Variants in NINJ2 observed in about 807,000 individuals in gnomAD.
NINJ2 encodes the protein ninjurin 2.
Under a neutral mutation model 11.7 loss-of-function variants are expected in NINJ2, and 12 were observed. The ratio of observed to expected loss-of-function variants is 1.02; its 90% CI spans 0.66 to 1.66. The LOEUF is 1.66. NINJ2 is among the 40% of genes most tolerant of loss of function. The pLI, the probability that NINJ2 is intolerant of heterozygous loss-of-function variation, is 0.00. For missense variants in NINJ2, 187 were observed against 181.8 expected (o/e 1.03, Z -0.16); for synonymous variants, 93 against 76.8 (o/e 1.21, Z -1.10).
At chr12:656,470 G>A (rs544172058) in intron 1 of NINJ2, among the ~76,000 whole-genome samples, 1 of 152,106 alleles carries the variant, frequency 6.6e-6, no homozygotes, top group South Asian at 2.1e-4. Context: ...CTGTAAAGCG[G>A]CCAGGCATGG....
At chr12:645,155 A>G (rs979517528) in intron 1 of NINJ2, 8 of 152,232 alleles carry the variant, frequency 5.3e-5, no homozygotes, top group African/African-American at 1.7e-4. Context: ...AGATCTGGGG[A>G]CAAGGGTTTT....
intron 1 of NINJ2, among the ~76,000 whole-genome samples, chr12:596,984 G>A (rs77231661): frequency 0.056 from 8,524 of 151,646 alleles, 330 homozygotes; most frequent in Non-Finnish European, 0.085. Flanking sequence ...ACATAAAAAA[G>A]TTAAGCTTCT....
Position 565,493 on chromosome 12 carries a change from G to A in NINJ2, c.263-92C>T, listed in dbSNP as rs1240929548. On this transcript the variant is annotated intron_variant, in intron 2 of 3. Transcript: ENST00000305108. ...CACCCACCAGAGTTTGGAGAGAGGG[G>A]CCCTTCAGAAACCCATGTGGCAGAA... 6 of 1,330,850 alleles carry A rather than the reference G, an allele frequency of 4.5e-6. No homozygotes were observed. The East Asian group carries it at 1.4e-4, about 31-fold the overall frequency. 82.4% of individuals were successfully genotyped at this position (1,330,850 alleles called of 1,614,324 possible).
intron 1 of NINJ2, among the ~76,000 whole-genome samples, chr12:661,209 G>A (rs1365634259): frequency 6.6e-6 from 1 of 152,154 alleles, no homozygotes; most frequent in Non-Finnish European, 1.5e-5. Flanking sequence ...CTCCCGAGTA[G>A]TGGGGACTAC....
intron 1 of NINJ2, among the ~76,000 whole-genome samples, chr12:569,478 A>C (rs955008953): frequency 6.6e-6 from 1 of 151,948 alleles, no homozygotes; most frequent in African/African-American, 2.4e-5. Flanking sequence ...TCTCTTCCCC[A>C]TCCTCCAGTT....
rs568837498 is a variant in NINJ2, at chr12:569,146, G to T, written c.34-2968C>A. On this transcript the variant is annotated intron_variant, in intron 1 of 3. Coordinates refer to ENST00000305108, the MANE Select transcript of NINJ2 (RefSeq NM_016533.6). ...AGGGATGGAGGGTAAATGAGGACCT[G>T]CATGGACTTGGGAGGCCACACACGG... Among the ~76,000 whole-genome samples the T allele has an allele frequency of 5.9e-5, 9 of 152,350 alleles. 1 individual carries two copies. The East Asian group carries it at 1.7e-3, about 29-fold the overall frequency.
intron 1 of NINJ2, among the ~76,000 whole-genome samples, chr12:626,294 T>C (rs765928114): frequency 2.0e-4 from 31 of 152,238 alleles, no homozygotes; most frequent in Non-Finnish European, 4.1e-4. Flanking sequence ...GCTGGCTACA[T>C]TCACGGGAAC....
chr12:648,321 G>T (rs750263702), intron 1 of NINJ2, among the ~76,000 whole-genome samples: 1 of 152,142 alleles, frequency 6.6e-6, no homozygotes, highest in African/African-American at 2.4e-5. Context: ...CAGATGATCC[G>T]CCTGCCTTGG....
In NINJ2 at chr12:585,586, G is replaced by A. The variant is rs866145396; in HGVS notation, c.34-19408C>T. On this transcript the variant is annotated intron_variant, in intron 1 of 3. Transcript: ENST00000305108. The surrounding 1 kb of genome is among the most constrained non-coding windows in gnomAD (Gnocchi z 4.1). The stretch of plus-strand genomic sequence containing the variant: ...GGGAAGGGAGGCTGAGCACAGGCAC[G>A]GTCACGCTGTGTTGCACCCTGGCCT... Among the ~76,000 whole-genome samples the A allele has an allele frequency of 2.6e-5, 4 of 152,238 alleles. No individual in the cohort carries two copies. Among genetic ancestry groups the A allele is most frequent in the Non-Finnish European group, 2.9e-5 (2 of 68,022 alleles).
At chr12:652,582 G>A (rs188548316) in intron 1 of NINJ2, among the ~76,000 whole-genome samples, 70 of 152,052 alleles carry the variant, frequency 4.6e-4, no homozygotes, top group African/African-American at 1.6e-3. Flanking sequence ...TAAAGAAAAG[G>A]GAACTATCAA....
chr12:633,810 G>GT lies in NINJ2; in HGVS notation c.33+29517dup, dbSNP rs755514524. 6.6e-6 allele frequency among the ~76,000 whole-genome samples: 1 copy of GT among 152,052 alleles called. No homozygotes were observed. Among genetic ancestry groups the GT allele is most frequent in the Non-Finnish European group, 1.5e-5 (1 of 68,006 alleles). ...ATCCTGGGTAACAGAGTGAGATTGT[G>GT]TAAAAAAAACAAACCACTTTAGAGT... On this transcript the variant is annotated intron_variant, in intron 1 of 3. Transcript: ENST00000305108. The surrounding 1 kb of genome is among the most constrained non-coding windows in gnomAD (Gnocchi z 4.3).
chr12:598,990 G>T (rs1196411666), intron 1 of NINJ2, among the ~76,000 whole-genome samples: 2 of 151,958 alleles, frequency 1.3e-5, no homozygotes. Context: ...GTGAGTCACT[G>T]CGCCCAGCCT....
chr12:601,319 G>C (rs1384562287), intron 1 of NINJ2, among the ~76,000 whole-genome samples: 5 of 151,982 alleles, frequency 3.3e-5, no homozygotes, highest in African/African-American at 9.7e-5. Context: ...GGCTGAGGCG[G>C]GCGGATCAGG....
At chr12:649,755 C>A (rs1937759550) in intron 1 of NINJ2, among the ~76,000 whole-genome samples, 1 of 151,340 alleles carries the variant, frequency 6.6e-6, no homozygotes. Context: ...TAGTATTAAC[C>A]TTTTGGTTTA....
chr12:649,089 C>T (rs1348925453), intron 1 of NINJ2, among the ~76,000 whole-genome samples: 1 of 151,700 alleles, frequency 6.6e-6, no homozygotes, highest in Non-Finnish European at 1.5e-5. Context: ...CTCTGTCGCC[C>T]AGGCTGGACT....
intron 1 of NINJ2, among the ~76,000 whole-genome samples, chr12:649,405 ATGT>A (rs1937750234): frequency 6.6e-6 from 1 of 152,002 alleles, no homozygotes; most frequent in South Asian, 2.1e-4. Flanking sequence ...GAGTTGTCCT[ATGT>A]AAAACTATTA....
At chr12:662,511 G>C (rs11609955) in intron 1 of NINJ2, among the ~76,000 whole-genome samples, 32,780 of 152,060 alleles carry the variant, frequency 0.22, 3,575 homozygotes, top group Admixed American at 0.23. Flanking sequence ...TTAAGATTTT[G>C]TTCGAGGACC....
chr12:579,074 A>T (rs1477292120), intron 1 of NINJ2, among the ~76,000 whole-genome samples: 1 of 152,250 alleles, frequency 6.6e-6, no homozygotes, highest in Non-Finnish European at 1.5e-5. Context: ...AACATTCCAC[A>T]TAAGGGTGTA....
intron 1 of NINJ2, among the ~76,000 whole-genome samples, chr12:584,859 G>A (rs958756297): frequency 1.3e-5 from 2 of 151,786 alleles, no homozygotes; most frequent in African/African-American, 2.4e-5. Context: ...CTAGGGGCGC[G>A]CTCACACCCG....
Sources: allele counts gnomAD v4.1 joint callset (sites outside exome capture counted in the v4.1 genomes callset), GRCh38; gene constraint gnomAD v4.1.1; non-coding constraint Gnocchi (gnomAD v3.1); transcripts MANE v1.5; gene names NCBI Gene and HGNC (gene_info 2026-07-23, HGNC 2026-07-21).